Variants in OPCML observed in about 807,000 individuals in gnomAD.
The protein encoded by OPCML is opioid-binding protein/cell adhesion molecule.
In OPCML, 13 loss-of-function variants were observed where a neutral mutation model predicts 37.8. The ratio of observed to expected loss-of-function variants is 0.34; its 90% CI spans 0.22 to 0.55. The LOEUF is 0.55. Among genes scored for constraint, OPCML ranks in the 20% least tolerant of loss-of-function variants. The probability of loss-of-function intolerance (pLI) is 0.91; values close to 1 mark genes in which losing one functional copy is unlikely to be tolerated. For synonymous variants in OPCML, 176 were observed against 168.8 expected (o/e 1.04, Z -0.33); for missense variants, 341 against 435.6 (o/e 0.78, Z 1.93).
At chr11:133,453,424 T>C (rs1009039073) in intron 1 of OPCML, among the ~76,000 whole-genome samples, 15 of 152,258 alleles carry the variant, frequency 9.9e-5, no homozygotes, top group Admixed American at 9.2e-4. Flanking sequence ...AATTTATTGC[T>C]TTGCTTTTCT....
intron 1 of OPCML, among the ~76,000 whole-genome samples, chr11:133,448,552 G>A (rs576739423): frequency 1.3e-5 from 2 of 152,250 alleles, no homozygotes; most frequent in Admixed American, 1.3e-4. Context: ...CCACCTCCCG[G>A]GTTCAGGCGA....
At chr11:132,647,072 T>C (rs1941188262) in intron 3 of OPCML, among the ~76,000 whole-genome samples, 1 of 152,192 alleles carries the variant, frequency 6.6e-6, no homozygotes, top group African/African-American at 2.4e-5. Flanking sequence ...GTATTGTAAA[T>C]GACCTGGCGT....
At chr11:132,518,418 G>A (rs1248900241) in intron 4 of OPCML, among the ~76,000 whole-genome samples, 10 of 152,172 alleles carry the variant, frequency 6.6e-5, no homozygotes, top group Non-Finnish European at 1.0e-4. Flanking sequence ...TTAAAGGGCT[G>A]TAGGCAATCT....
At chr11:132,681,525 C>A (rs76746773) in intron 2 of OPCML, among the ~76,000 whole-genome samples, 2,143 of 152,276 alleles carry the variant, frequency 0.014, 57 homozygotes, top group African/African-American at 0.049. Flanking sequence ...GCTCCATCTC[C>A]TCTCCAGCTC....
At chr11:133,454,585 T>C (rs928725628) in intron 1 of OPCML, among the ~76,000 whole-genome samples, 1 of 152,230 alleles carries the variant, frequency 6.6e-6, no homozygotes, top group East Asian at 1.9e-4. Flanking sequence ...TTCTGATCTA[T>C]GCAATTTGTC....
chr11:133,141,237 G>A (rs928335452), intron 1 of OPCML, among the ~76,000 whole-genome samples: 5 of 151,866 alleles, frequency 3.3e-5, no homozygotes, highest in African/African-American at 9.7e-5. Flanking sequence ...CCGGGCTCTC[G>A]CATGAGGCCT....
chr11:132,721,649 G>A (rs1468452770), intron 2 of OPCML, among the ~76,000 whole-genome samples: 4 of 152,194 alleles, frequency 2.6e-5, no homozygotes, highest in African/African-American at 7.2e-5. Flanking sequence ...CACGAGGGAA[G>A]TATGAGGGAT....
At position 132,788,241 on chromosome 11, in the gene OPCML, C is replaced by T. The variant is rs554829898; in HGVS notation, c.147-130922G>A. Reference sequence around the variant, plus strand: ...TCCAAAACTGAACTCTTGCTCTTTTCCCTGAAAAATCTACTCTTTCTCCAG... The same window carrying T: ...TCCAAAACTGAACTCTTGCTCTTTTTCCTGAAAAATCTACTCTTTCTCCAG... On this transcript the variant is annotated intron_variant, in intron 2 of 7. Transcript: ENST00000524381. 5.6e-4 allele frequency among the ~76,000 whole-genome samples: 85 copies of T among 152,238 alleles called. 1 individual carries two copies. The Middle Eastern group carries it at 0.014, about 24-fold the overall frequency.
intron 2 of OPCML, among the ~76,000 whole-genome samples, chr11:132,722,046 C>T (rs181143061): frequency 6.9e-6 from 1 of 145,260 alleles, no homozygotes; most frequent in Admixed American, 7.1e-5. Flanking sequence ...AGCTCCACCT[C>T]CCAGCTTCAT....
At chr11:132,443,265 C>G (rs1426980628) in intron 4 of OPCML, among the ~76,000 whole-genome samples, 2 of 152,150 alleles carry the variant, frequency 1.3e-5, no homozygotes, top group African/African-American at 4.8e-5. Context: ...TTTCAGGAGG[C>G]AGCCACACAG....
intron 1 of OPCML, among the ~76,000 whole-genome samples, chr11:133,413,220 C>T (rs921877612): frequency 2.0e-5 from 3 of 151,528 alleles, no homozygotes; most frequent in South Asian, 2.1e-4. Context: ...GCCGGGAGAC[C>T]GAGGGGTAGG....
intron 1 of OPCML, chr11:133,003,963 C>T (rs1947058400): frequency 1.0e-6 from 1 of 985,338 alleles, no homozygotes; most frequent in South Asian, 4.7e-5. Flanking sequence ...GTCCCGTGGG[C>T]AGCAGATCCC....
intron 1 of OPCML, among the ~76,000 whole-genome samples, chr11:133,441,963 C>A (rs1946373695): frequency 6.6e-6 from 1 of 152,068 alleles, no homozygotes; most frequent in African/African-American, 2.4e-5. Flanking sequence ...TGTAGCTCTA[C>A]TAAAATTAAT....
chr11:132,873,066 G>A (rs1357361781), intron 2 of OPCML, among the ~76,000 whole-genome samples: 1 of 152,062 alleles, frequency 6.6e-6, no homozygotes, highest in Non-Finnish European at 1.5e-5. Context: ...GTCATCCTCT[G>A]CCTCACTGCC....
rs68143578 is a variant in OPCML at position 132,441,165 on chromosome 11, G to GTTTTTTTTTTTTTTTTTTTTTTTTT, written c.506-3807_506-3806insAAAAAAAAAAAAAAAAAAAAAAAAA. On this transcript the variant is annotated intron_variant, in intron 4 of 7. Coordinates refer to ENST00000524381, the MANE Select transcript of OPCML (RefSeq NM_001012393.5). Reference sequence around the variant, plus strand: ...AGATGTGTTCACCAAGGACTTTTTTGTTTTTTTTTTTTTTTTTTTTGAGAC... The same window carrying GTTTTTTTTTTTTTTTTTTTTTTTTT: ...AGATGTGTTCACCAAGGACTTTTTTGTTTTTTTTTTTTTTTTTTTTTTTTTTTTTTTTTTTTTTTTTTTTTGAGAC... Among the ~76,000 whole-genome samples, 22 of 72,394 alleles carry GTTTTTTTTTTTTTTTTTTTTTTTTT rather than the reference G, an allele frequency of 3.0e-4. 1 individual carries two copies. The highest frequency in any genetic ancestry group is 8.1e-4 in the East Asian group (2 of 2,454). 47.5% of individuals were successfully genotyped at this position (72,394 alleles called of 152,430 possible). A position where few individuals can be genotyped will look rare whatever the true frequency, so the allele number is the denominator to read the frequency against.
intron 1 of OPCML, among the ~76,000 whole-genome samples, chr11:133,322,512 G>A (rs4937768): frequency 0.31 from 46,247 of 150,944 alleles, 8,369 homozygotes; most frequent in East Asian, 0.66. Context: ...GTGGGCCCCA[G>A]CCAATGGATT....
chr11:133,163,876 C>T (rs1260495273), intron 1 of OPCML, among the ~76,000 whole-genome samples: 2 of 152,196 alleles, frequency 1.3e-5, no homozygotes, highest in Admixed American at 6.5e-5. Flanking sequence ...CAACCCCAAC[C>T]AGACTTTCAT....
intron 1 of OPCML, among the ~76,000 whole-genome samples, chr11:133,162,551 G>C (rs1207129867): frequency 1.3e-5 from 2 of 152,238 alleles, no homozygotes; most frequent in African/African-American, 4.8e-5. Context: ...GTGGATCTGG[G>C]ACTGCCGCTG....
intron 3 of OPCML, among the ~76,000 whole-genome samples, chr11:132,599,383 A>AGAAGG (rs1186139302): frequency 5.4e-5 from 5 of 92,570 alleles, no homozygotes; most frequent in Admixed American, 2.7e-4. Flanking sequence ...AAGAAGGAGG[A>AGAAGG]AGAAGGAGGA....
Sources: gnomAD v4.1 joint callset for allele counts (sites outside exome capture counted in the v4.1 genomes callset) on GRCh38, gnomAD v4.1.1 for gene constraint, MANE v1.5 for transcripts, NCBI Gene and HGNC (gene_info 2026-07-23, HGNC 2026-07-21) for gene names.